LIPA: variants seen among roughly 807,000 people sequenced by gnomAD.
LIPA encodes the protein lysosomal acid lipase/cholesteryl ester hydrolase.
In LIPA, 26 loss-of-function variants were observed where a neutral mutation model predicts 40.6. The observed-to-expected ratio is 0.64, with a 90% CI of 0.47 to 0.89. The LOEUF (loss-of-function observed/expected upper bound fraction) is 0.89. Ranked by LOEUF, LIPA falls within the 40% of genes least tolerant of loss-of-function variation. The pLI is 0.00. For missense variants in LIPA, 455 were observed against 479.6 expected, an observed-to-expected ratio of 0.95 and a Z score of 0.48; for synonymous variants, 188 against 168.4, an observed-to-expected ratio of 1.12 and a Z score of -0.90.
chr10:89,381,053 G>A (rs1844158993), intron 2 of LIPA, among the ~76,000 whole-genome samples: 1 of 152,106 alleles, frequency 6.6e-6, no homozygotes, highest in Non-Finnish European at 1.5e-5. Flanking sequence ...TCAATGCATG[G>A]CCATGATTAG....
intron 2 of LIPA, among the ~76,000 whole-genome samples, chr10:89,348,298 G>C (rs1479088568): frequency 6.6e-6 from 1 of 151,988 alleles, no homozygotes; most frequent in Non-Finnish European, 1.5e-5. Flanking sequence ...CCTGGGGGCT[G>C]AGTTTCTATT....
intron 2 of LIPA, among the ~76,000 whole-genome samples, chr10:89,356,635 C>G (rs1483487410): frequency 6.6e-6 from 1 of 152,168 alleles, no homozygotes; most frequent in African/African-American, 2.4e-5. Context: ...CCAGATGGGA[C>G]CGTCTAGTTG....
chr10:89,341,708 C>T (rs1407279912), intron 1 of LIPA, among the ~76,000 whole-genome samples: 1 of 152,136 alleles, frequency 6.6e-6, no homozygotes, highest in South Asian at 2.1e-4. Flanking sequence ...AGGAGTTCAT[C>T]TCTCAGAATT....
chr10:89,366,495 AT>A (rs1844057859), intron 2 of LIPA, among the ~76,000 whole-genome samples: 1 of 152,176 alleles, frequency 6.6e-6, no homozygotes, highest in African/African-American at 2.4e-5. Flanking sequence ...ATAAGAAAAA[AT>A]TTTTTCACAA....
At chr10:89,317,807 C>G (rs1314472742) in intron 1 of LIPA, among the ~76,000 whole-genome samples, 1 of 152,160 alleles carries the variant, frequency 6.6e-6, no homozygotes, top group Non-Finnish European at 1.5e-5. Flanking sequence ...ATGTTAAAGG[C>G]AGCCAGAGAG....
At chr10:89,348,265 T>C (rs567754418) in intron 2 of LIPA, among the ~76,000 whole-genome samples, 18 of 152,230 alleles carry the variant, frequency 1.2e-4, no homozygotes, top group Non-Finnish European at 2.5e-4. Flanking sequence ...AGATTGTTAA[T>C]GACTTCCTCT....
At chr10:89,311,850 T>A (rs1180820819) in intron 1 of LIPA, among the ~76,000 whole-genome samples, 1 of 152,210 alleles carries the variant, frequency 6.6e-6, no homozygotes, top group African/African-American at 2.4e-5. Flanking sequence ...TTTGTCAATC[T>A]GATGAGTGCA....
chr10:89,386,539 T>C (rs1844211412), intron 2 of LIPA, among the ~76,000 whole-genome samples: 1 of 152,224 alleles, frequency 6.6e-6, no homozygotes, highest in African/African-American at 2.4e-5. Context: ...GAGCTTCTTG[T>C]AGGGGAGATT....
chr10:89,226,847 C>T (rs760326344), intron 5 of LIPA, 48 bp downstream of exon 5: 14 of 1,103,396 alleles, frequency 1.3e-5, no homozygotes, highest in African/African-American at 7.7e-5. Flanking sequence ...AGTACAAACT[C>T]TGTAATGAAG....
At chr10:89,363,154 C>T (rs1844033399) in intron 2 of LIPA, 1 of 224,662 alleles carries the variant, frequency 4.5e-6, no homozygotes, top group South Asian at 8.7e-5. Context: ...ACACCCACTT[C>T]TGCCTTCCTG....
chr10:89,227,160 C>T (rs1842780547), intron 4 of LIPA, 156 bp from the exon 5 acceptor site: 2 of 648,750 alleles, frequency 3.1e-6, no homozygotes, highest in South Asian at 1.7e-5. Flanking sequence ...TGCAGAAGCC[C>T]CCTTGGGCTC....
intron 2 of LIPA, chr10:89,384,569 T>C: frequency 6.2e-7 from 1 of 1,614,194 alleles, no homozygotes; most frequent in Non-Finnish European, 8.5e-7. Context: ...GAAAAACTTC[T>C]CAATGCTTTA....
chr10:89,214,500 G>T lies in LIPA; in HGVS notation c.*328C>A, dbSNP rs1298618084. Reference sequence around the variant, plus strand: ...CAACACATATATTACTTTGTCCTATGAAGGGCAAAAAGTCAATATATTTTA... The same window carrying T: ...CAACACATATATTACTTTGTCCTATTAAGGGCAAAAAGTCAATATATTTTA... On this transcript the variant is annotated 3_prime_UTR_variant, in exon 10 of 10. Transcript: ENST00000336233. 2 of 249,964 alleles carry T rather than the reference G, an allele frequency of 8.0e-6. No individual in the cohort carries two copies. Among genetic ancestry groups the T allele is most frequent in the East Asian group, 2.1e-4 (2 of 9,562 alleles). The allele number at this position is 249,964 out of a possible 1,614,324, so 15.5% of individuals were successfully genotyped here. A position where few individuals can be genotyped will look rare whatever the true frequency, so the allele number is the denominator to read the frequency against.
intron 2 of LIPA, among the ~76,000 whole-genome samples, chr10:89,412,455 C>A (rs772156172): frequency 1.3e-5 from 2 of 152,132 alleles, no homozygotes; most frequent in African/African-American, 2.4e-5. Flanking sequence ...GTAAAATGGA[C>A]CAATCAGCAG....
chr10:89,238,191 GTAAA>G (rs1842928031), intron 3 of LIPA, among the ~76,000 whole-genome samples: 1 of 152,210 alleles, frequency 6.6e-6, no homozygotes, highest in African/African-American at 2.4e-5. Context: ...GTGGGAGCAG[GTAAA>G]TAGTTTCAAT....
chr10:89,306,507 G>T (rs749996976), intron 1 of LIPA: 3 of 1,614,078 alleles, frequency 1.9e-6, no homozygotes, highest in South Asian at 1.1e-5. Context: ...GCAAGCTACC[G>T]TCTGGACAAC....
chr10:89,247,469 C>A, intron 2 of LIPA, 69 bp downstream of exon 2: 2 of 801,906 alleles, frequency 2.5e-6, no homozygotes, highest in Non-Finnish European at 4.3e-6. Context: ...GGTATGGCTT[C>A]ATGTAGCTCA....
chr10:89,234,275 G>A (rs1842877907), intron 3 of LIPA, among the ~76,000 whole-genome samples: 1 of 152,182 alleles, frequency 6.6e-6, no homozygotes, highest in South Asian at 2.1e-4. Flanking sequence ...GGAACCACTA[G>A]GAAAAGTCCA....
At chr10:89,300,486 C>T (rs528876506) in intron 1 of LIPA, among the ~76,000 whole-genome samples, 2 of 152,272 alleles carry the variant, frequency 1.3e-5, no homozygotes, top group East Asian at 3.9e-4. Flanking sequence ...CTGACTTGAT[C>T]ATTAAACATT....
Sources: gnomAD v4.1 joint callset for allele counts (sites outside exome capture counted in the v4.1 genomes callset) on GRCh38, gnomAD v4.1.1 for gene constraint, MANE v1.5 for transcripts, NCBI Gene and HGNC (gene_info 2026-07-23, HGNC 2026-07-21) for gene names.